Variants in NRIP1 observed in about 807,000 individuals in gnomAD.
NRIP1 encodes the protein nuclear receptor-interacting protein 1.
Under a neutral mutation model 75.0 loss-of-function variants are expected in NRIP1, and 28 were observed. The observed-to-expected ratio is 0.37, with a 90% confidence interval of 0.28 to 0.51. The LOEUF is 0.51. Ranked by LOEUF, NRIP1 falls within the 20% of genes least tolerant of loss-of-function variation. The pLI is 0.92. For missense variants in NRIP1, 1,435 were observed against 1,343.7 expected (o/e 1.07, Z -1.06); for synonymous variants, 526 against 487.6 (o/e 1.08, Z -1.04).
chr21:15,026,875 A>G (rs1274858297), intron 2 of NRIP1, among the ~76,000 whole-genome samples: 2 of 152,158 alleles, frequency 1.3e-5, no homozygotes, highest in African/African-American at 4.8e-5. Flanking sequence ...TACATATTAA[A>G]TAACTTAAAG....
intron 1 of NRIP1, among the ~76,000 whole-genome samples, chr21:15,048,977 CACGT>C (rs1600926826): frequency 6.7e-6 from 1 of 150,370 alleles, no homozygotes; most frequent in Non-Finnish European, 1.5e-5. Context: ...TACACACACA[CACGT>C]ATTCATTTTA....
At chr21:15,065,831 A>G (rs983673615), upstream of NRIP1, 9 of 152,436 alleles carry the variant, frequency 5.9e-5, no homozygotes, top group African/African-American at 2.2e-4. Flanking sequence ...CTGTCAGCCA[A>G]TCTGCATCAT....
chr21:15,033,654 C>T (rs1209506624), intron 2 of NRIP1, among the ~76,000 whole-genome samples: 1 of 152,194 alleles, frequency 6.6e-6, no homozygotes, highest in East Asian at 1.9e-4. Flanking sequence ...ATTAATTAGA[C>T]ACTAGTAAAT....
chr21:15,017,326 G>A lies in NRIP1; in HGVS notation c.-457-2860C>T, dbSNP rs1292634864. 2.6e-5 allele frequency among the ~76,000 whole-genome samples: 4 copies of A among 152,072 alleles called. No homozygotes were observed. The East Asian group carries it at 5.8e-4, about 22-fold the overall frequency. ...TCCCGACTCAACCTCCCAAGTAGCTGGAACTGCAGGTGTGCACCACGGTGC... is the reference window on the plus strand; with the variant it reads ...TCCCGACTCAACCTCCCAAGTAGCTAGAACTGCAGGTGTGCACCACGGTGC... On this transcript the variant is annotated intron_variant, in intron 2 of 3. Transcript: ENST00000318948.
intron 2 of NRIP1, among the ~76,000 whole-genome samples, chr21:15,026,075 AAC>A (rs1297624234): frequency 6.6e-6 from 1 of 152,182 alleles, no homozygotes; most frequent in African/African-American, 2.4e-5. Context: ...CTTTCTGGGA[AAC>A]ACACACTTGT....
chr21:14,965,229 G>A lies in NRIP1; in HGVS notation c.2964C>T (p.Ser988=). 6.2e-7 allele frequency: 1 copy of A among 1,613,916 alleles called. No individual in the cohort carries two copies. Among genetic ancestry groups the A allele is most frequent in the Non-Finnish European group, 8.5e-7 (1 of 1,179,928 alleles). Reference sequence around the variant, plus strand: ...TATCCATGCAACTGCTGGGCTGAGTGGAACTGTACATCAGTCCATTTAAAG... The same window carrying A: ...TATCCATGCAACTGCTGGGCTGAGTAGAACTGTACATCAGTCCATTTAAAG... ...ISSLNGLMYS[S]TQPSSCMDNR... is the part of the protein sequence containing the mutation. The change falls in exon 4 of 4, where the codon TCC becomes TCT. Residue 988 remains serine, a synonymous_variant. Transcript: ENST00000318948.
Position 14,965,862 on chromosome 21 carries a change from C to T in NRIP1, c.2331G>A (p.Lys777=). 1 of 1,614,068 alleles carries T rather than the reference C, an allele frequency of 6.2e-7. No individual in the cohort carries two copies. Among genetic ancestry groups the T allele is most frequent in the Non-Finnish European group, 8.5e-7 (1 of 1,179,988 alleles). The change falls in exon 4 of 4, where the codon AAG becomes AAA. Residue 777 remains lysine (K), a synonymous_variant. Transcript: ENST00000318948. The part of the protein sequence containing the change: ...NTNVHLSHDA[K]SAPFLGMAPA... ...GAGCCATACCCAAGAATGGGGCACT[C>T]TTAGCATCATGGCTCAAGTGCACAT...
At chr21:14,986,562 T>G (rs1266712215) in intron 3 of NRIP1, among the ~76,000 whole-genome samples, 3 of 152,202 alleles carry the variant, frequency 2.0e-5, no homozygotes, top group Non-Finnish European at 4.4e-5. Flanking sequence ...TAAAAAGTCA[T>G]GTGGGTCCAG....
chr21:14,985,609 A>G (rs2087377746), intron 3 of NRIP1, among the ~76,000 whole-genome samples: 1 of 152,204 alleles, frequency 6.6e-6, no homozygotes, highest in Admixed American at 6.6e-5. Context: ...ACATATTTTT[A>G]GAGTATTTTA....
In NRIP1 at chr21:14,964,843, G is replaced by T. The variant is rs1247316647; in HGVS notation, c.3350C>A (p.Ser1117Tyr). The change falls in exon 4 of 4, where the codon TCT becomes TAT. Residue 1117 changes from serine (S) to tyrosine (Y), a missense_variant. Ser to Tyr is a moderately radical substitution (Grantham distance 144). Coordinates refer to ENST00000318948, the MANE Select transcript of NRIP1 (RefSeq NM_003489.4). Reference sequence around the variant, plus strand: ...GTAAGGGCTTCTTAAATTAAAGAAAGAAGCTTTCGTTTCTGCAGTAGGAAG... The same window carrying T: ...GTAAGGGCTTCTTAAATTAAAGAAATAAGCTTTCGTTTCTGCAGTAGGAAG... ...ELLPTAETKA[S>Y]FFNLRSPYNS... 1.9e-6 allele frequency: 3 copies of T among 1,613,478 alleles called. No homozygotes were observed. The highest frequency in any genetic ancestry group is 2.2e-5 in the East Asian group (1 of 44,866).
At position 15,043,593 on chromosome 21, in the gene NRIP1, A is replaced by G. The variant is rs1421470203; in HGVS notation, c.-537-19T>C. On this transcript the variant is annotated intron_variant, in intron 1 of 3. Coordinates refer to ENST00000318948, the MANE Select transcript of NRIP1 (RefSeq NM_003489.4). Reference sequence around the variant, plus strand: ...ACACTTCCTGAAAATTAAGAGAAATAAGTGTTACTTCAAGTGCACCTTATC... The same window carrying G: ...ACACTTCCTGAAAATTAAGAGAAATGAGTGTTACTTCAAGTGCACCTTATC... 2 of 152,210 alleles carry G rather than the reference A, an allele frequency of 1.3e-5. No individual in the cohort carries two copies. Among genetic ancestry groups the G allele is most frequent in the Non-Finnish European group, 2.9e-5 (2 of 68,034 alleles). The allele number at this position is 152,210 out of a possible 1,614,324, so 9.4% of individuals were successfully genotyped here.
At chr21:15,006,590 G>A (rs74693834) in intron 3 of NRIP1, among the ~76,000 whole-genome samples, 218 of 152,314 alleles carry the variant, frequency 1.4e-3, no homozygotes, top group African/African-American at 4.7e-3. Flanking sequence ...AGTATTTAGT[G>A]TAAGTATTTA....
intron 2 of NRIP1, among the ~76,000 whole-genome samples, chr21:15,032,799 G>A (rs1386060850): frequency 6.6e-6 from 1 of 152,186 alleles, no homozygotes; most frequent in South Asian, 2.1e-4. Flanking sequence ...GTTAAGACTG[G>A]AATTAAAAGT....
intron 3 of NRIP1, among the ~76,000 whole-genome samples, chr21:14,989,587 A>T (rs1170682656): frequency 6.6e-6 from 1 of 152,224 alleles, no homozygotes; most frequent in Non-Finnish European, 1.5e-5. Context: ...CATCTGGCTG[A>T]ACATGTCCTT....
At chr21:15,028,971 A>G (rs1026962962) in intron 2 of NRIP1, among the ~76,000 whole-genome samples, 1 of 151,852 alleles carries the variant, frequency 6.6e-6, no homozygotes, top group Non-Finnish European at 1.5e-5. Context: ...CATTCTTCCA[A>G]TTGTTCAGGC....
intron 3 of NRIP1, among the ~76,000 whole-genome samples, chr21:15,011,351 G>T (rs371563804): frequency 6.6e-6 from 1 of 152,014 alleles, no homozygotes; most frequent in Non-Finnish European, 1.5e-5. Context: ...CATGGCGCCC[G>T]GCTAATTTTT....
intron 3 of NRIP1, among the ~76,000 whole-genome samples, chr21:15,008,655 C>T (rs2088031358): frequency 6.6e-6 from 1 of 152,034 alleles, no homozygotes; most frequent in Non-Finnish European, 1.5e-5. Flanking sequence ...ACTTATTAGT[C>T]TACAAACACA....
Position 14,966,886 on chromosome 21 carries a change from G to A in NRIP1, c.1307C>T (p.Ser436Phe), listed in dbSNP as rs767528211. ...AGACAAGTCTATGGGAACACAGTTG[G>A]AATAAGAACTTTCATCACCACTGCT... ...DDSSGDESSY[S>F]NCVPIDLSCK... Residue 436 changes from serine (S) to phenylalanine (F), a missense_variant, in exon 4 of 4, where the codon TCC (serine) becomes TTC (phenylalanine). Ser to Phe is a radical substitution (Grantham distance 155, BLOSUM62 -2). Coordinates refer to ENST00000318948, the MANE Select transcript of NRIP1 (RefSeq NM_003489.4). The A allele has an allele frequency of 5.4e-5, 87 of 1,614,018 alleles. 1 individual carries two copies. The Admixed American group carries it at 1.3e-3, about 24-fold the overall frequency.
At chr21:14,983,775 G>A (rs555455030) in intron 3 of NRIP1, among the ~76,000 whole-genome samples, 1 of 152,262 alleles carries the variant, frequency 6.6e-6, no homozygotes, top group East Asian at 1.9e-4. Context: ...TAAAAATGAC[G>A]ATAAATCTAC....
Sources: allele counts gnomAD v4.1 joint callset (sites outside exome capture counted in the v4.1 genomes callset), GRCh38; gene constraint gnomAD v4.1.1; transcripts MANE v1.5; gene names NCBI Gene and HGNC (gene_info 2026-07-23, HGNC 2026-07-21).